ELMOD1: variants seen among roughly 807,000 people sequenced by gnomAD.
ELMOD1 encodes the protein ELMO domain-containing protein 1.
ELMOD1 carries 21 observed loss-of-function variants against 46.7 expected under a neutral mutation model. The ratio of observed to expected loss-of-function variants is 0.45; its 90% CI spans 0.32 to 0.65. The LOEUF (loss-of-function observed/expected upper bound fraction) is 0.65, where lower values mean the gene tolerates loss of function less well. Ranked by LOEUF, ELMOD1 falls within the 30% of genes least tolerant of loss-of-function variation. The pLI, the probability that ELMOD1 is intolerant of heterozygous loss-of-function variation, is 0.04. For synonymous variants in ELMOD1, 122 were observed against 138.2 expected (o/e 0.88, Z 0.82); for missense variants, 348 against 407.8 (o/e 0.85, Z 1.26).
At chr11:107,609,231 GACTTA>G (rs1865736856) in intron 1 of ELMOD1, among the ~76,000 whole-genome samples, 1 of 152,168 alleles carries the variant, frequency 6.6e-6, no homozygotes, top group African/African-American at 2.4e-5. Context: ...TTTAAGCTAA[GACTTA>G]ACTTTTAAAA....
At chr11:107,605,357 G>T (rs920149364) in intron 1 of ELMOD1, among the ~76,000 whole-genome samples, 3 of 151,966 alleles carry the variant, frequency 2.0e-5, no homozygotes, top group African/African-American at 7.3e-5. Context: ...ATGCCACCAT[G>T]CCTGGCTAAG....
intron 5 of ELMOD1, among the ~76,000 whole-genome samples, chr11:107,633,552 C>A (rs1217793797): frequency 6.6e-6 from 1 of 152,144 alleles, no homozygotes; most frequent in Non-Finnish European, 1.5e-5. Flanking sequence ...CCTGCCTCAG[C>A]CTCCCAAGTA....
rs1866619400 is a variant in ELMOD1 at position 107,655,790 on chromosome 11, T to C, written c.699-143T>C. On this transcript the variant is annotated intron_variant, in intron 10 of 11. Transcript: ENST00000265840. ...CCAGAACTGAGGGTTCTTCCCCTTT[T>C]AGACCATAAAGTGACTTCCTGACAT... is the stretch of plus-strand genomic sequence containing the variant. 4 of 867,402 alleles carry C rather than the reference T, an allele frequency of 4.6e-6. No homozygotes were observed. In the East Asian group the frequency reaches 1.1e-4, roughly 24 times the overall value. The allele number at this position is 867,402 out of a possible 1,614,324, so 53.7% of individuals were successfully genotyped here. A position where few individuals can be genotyped will look rare whatever the true frequency, so the allele number is the denominator to read the frequency against.
At chr11:107,599,755 A>AAAG (rs1865561934) in intron 1 of ELMOD1, among the ~76,000 whole-genome samples, 4 of 138,824 alleles carry the variant, frequency 2.9e-5, no homozygotes, top group African/African-American at 1.2e-4. Context: ...AAAAAAAGAA[A>AAAG]AAAAGAAAAG....
intron 6 of ELMOD1, among the ~76,000 whole-genome samples, chr11:107,639,666 G>A (rs1413012810): frequency 6.6e-6 from 1 of 152,184 alleles, no homozygotes; most frequent in East Asian, 1.9e-4. Context: ...AGTTCACAGT[G>A]AAGAGAGTTC....
intron 1 of ELMOD1, chr11:107,592,886 C>G (rs918071834): frequency 6.6e-6 from 1 of 152,650 alleles, no homozygotes; most frequent in African/African-American, 2.4e-5. Flanking sequence ...AAATGGTTCT[C>G]TTTTGCAGAA....
intron 6 of ELMOD1, 120 bp downstream of exon 6, chr11:107,635,885 C>T (rs1866221712): frequency 2.0e-6 from 2 of 1,021,314 alleles, no homozygotes; most frequent in South Asian, 2.6e-5. Flanking sequence ...GACACGGGCA[C>T]CTAACTGGTT....
chr11:107,593,433 A>G (rs1865439172), intron 1 of ELMOD1, among the ~76,000 whole-genome samples: 3 of 152,232 alleles, frequency 2.0e-5, no homozygotes, highest in African/African-American at 7.2e-5. Context: ...GAAATGGACA[A>G]AATAAGTGAA....
intron 5 of ELMOD1, among the ~76,000 whole-genome samples, chr11:107,632,143 AG>A (rs1159438747): frequency 2.6e-5 from 4 of 152,232 alleles, no homozygotes; most frequent in African/African-American, 9.6e-5. Flanking sequence ...ATGTGTGGGA[AG>A]GAGAAATGGT....
At chr11:107,631,756 C>CTT in intron 5 of ELMOD1, 79 bp downstream of exon 5, 1 of 659,466 alleles carries the variant, frequency 1.5e-6, no homozygotes, top group Non-Finnish European at 2.4e-6. Flanking sequence ...TGTCTCCTCT[C>CTT]TTTTTTTTTC....
In ELMOD1 at chr11:107,642,861, T is replaced by G. The variant is rs112716505; in HGVS notation, c.421-4607T>G. 858 of 276,960 alleles carry G rather than the reference T, an allele frequency of 3.1e-3. 7 individuals carry two copies. The highest frequency in any genetic ancestry group is 0.019 in the African/African-American group (807 of 42,684). The allele number at this position is 276,960 out of a possible 1,614,324, so 17.2% of individuals were successfully genotyped here. On this transcript the variant is annotated intron_variant, in intron 6 of 11. Transcript: ENST00000265840. ...ATAATTAATGTTAATCATGTGATCG[T>G]TATATTTTTCTTTGTGATTCCCCTT... is the stretch of plus-strand genomic sequence containing the variant.
Position 107,654,108 on chromosome 11 carries a change from A to G in ELMOD1, c.648-64A>G, listed in dbSNP as rs188082665. The stretch of plus-strand genomic sequence containing the variant: ...GTTAACAGTTTTAACATAAGCATTA[A>G]AAGAGAACAAGTACCAATTAGAGGT... On this transcript the variant is annotated intron_variant, in intron 9 of 11. Transcript: ENST00000265840. 1.1e-4 allele frequency: 153 copies of G among 1,372,620 alleles called. 1 individual carries two copies. Among genetic ancestry groups the G allele is most frequent in the Middle Eastern group, 3.5e-4 (2 of 5,638 alleles). 85.0% of individuals were successfully genotyped at this position (1,372,620 alleles called of 1,614,324 possible). A position where few individuals can be genotyped will look rare whatever the true frequency, so the allele number is the denominator to read the frequency against.
At chr11:107,613,980 A>G (rs75474041) in intron 1 of ELMOD1, among the ~76,000 whole-genome samples, 3 of 152,202 alleles carry the variant, frequency 2.0e-5, no homozygotes, top group Non-Finnish European at 4.4e-5. Context: ...AAAACTAAAA[A>G]TGTTCCAAAG....
At chr11:107,656,180 G>A (rs1866628343) in intron 11 of ELMOD1, 114 bp downstream of exon 11, 3 of 1,176,342 alleles carry the variant, frequency 2.6e-6, no homozygotes, top group Non-Finnish European at 1.2e-6. Flanking sequence ...CTGAGCTCAG[G>A]AGTTCAAGAC....
At chr11:107,604,342 A>G (rs1252847778) in intron 1 of ELMOD1, among the ~76,000 whole-genome samples, 1 of 152,210 alleles carries the variant, frequency 6.6e-6, no homozygotes, top group African/African-American at 2.4e-5. Context: ...ACAACATATA[A>G]CATATTCTGG....
chr11:107,649,451 A>G (rs115984290), intron 7 of ELMOD1, among the ~76,000 whole-genome samples: 153 of 152,338 alleles, frequency 1.0e-3, no homozygotes, highest in African/African-American at 3.6e-3. Context: ...TAAAGGATCT[A>G]TGTTCAGTAT....
intron 1 of ELMOD1, among the ~76,000 whole-genome samples, chr11:107,604,268 CTG>C (rs936068436): frequency 3.9e-5 from 6 of 152,164 alleles, no homozygotes; most frequent in African/African-American, 1.4e-4. Context: ...GGCTCAGAGA[CTG>C]TGGAGTAAGA....
chr11:107,607,053 A>G (rs1371933718), intron 1 of ELMOD1, among the ~76,000 whole-genome samples: 1 of 152,192 alleles, frequency 6.6e-6, no homozygotes, highest in Admixed American at 6.5e-5. Flanking sequence ...TAAATACAGA[A>G]TAGCGTCCTT....
At chr11:107,628,420 C>A (rs1237982638) in intron 2 of ELMOD1, among the ~76,000 whole-genome samples, 2 of 152,200 alleles carry the variant, frequency 1.3e-5, no homozygotes, top group Non-Finnish European at 1.5e-5. Flanking sequence ...CCGCCTCAGC[C>A]TCCCAAAGTG....
Sources: allele counts gnomAD v4.1 joint callset (sites outside exome capture counted in the v4.1 genomes callset), GRCh38; gene constraint gnomAD v4.1.1; transcripts MANE v1.5; gene names NCBI Gene and HGNC (gene_info 2026-07-23, HGNC 2026-07-21).